The following STAG1 variants were observed in gnomAD, a reference collection of about 807,000 sequenced individuals.
The protein encoded by STAG1 is cohesin subunit SA-1.
In STAG1, 26 loss-of-function variants were observed where a neutral mutation model predicts 170.9. The ratio of observed to expected loss-of-function variants is 0.15; its 90% CI spans 0.11 to 0.21. The LOEUF is 0.21. Among genes scored for constraint, STAG1 ranks in the 10% least tolerant of loss-of-function variants. The pLI is 1.00. For missense variants in STAG1, 964 were observed against 1,509.5 expected (o/e 0.64, Z 5.99); for synonymous variants, 514 against 497.7 (o/e 1.03, Z -0.44).
chr3:136,608,409 T>C (rs1406189112), intron 3 of STAG1, among the ~76,000 whole-genome samples: 1 of 149,140 alleles, frequency 6.7e-6, no homozygotes, highest in Non-Finnish European at 1.5e-5. Context: ...TGTGTGCCTG[T>C]AGTCCCAGCT....
chr3:136,467,217 T>C (rs1306779465), intron 12 of STAG1, among the ~76,000 whole-genome samples: 3 of 151,970 alleles, frequency 2.0e-5, no homozygotes, highest in Non-Finnish European at 4.4e-5. Context: ...GACTGGCAAA[T>C]TGGATAAAGA....
intron 7 of STAG1, among the ~76,000 whole-genome samples, chr3:136,505,923 TAC>T (rs1321906634): frequency 2.0e-5 from 3 of 152,170 alleles, no homozygotes; most frequent in Non-Finnish European, 4.4e-5. Context: ...GGGTACTCAC[TAC>T]AGAGTATAGT....
intron 2 of STAG1, among the ~76,000 whole-genome samples, chr3:136,627,575 A>G (rs1343213837): frequency 1.3e-5 from 2 of 152,204 alleles, no homozygotes; most frequent in Non-Finnish European, 2.9e-5. Context: ...GTTTTGCACT[A>G]TTACAAACAG....
chr3:136,396,520 C>CTTTTTTTTTTTTTTTTTTTT lies in STAG1; in HGVS notation c.2277+2209_2277+2228dup, dbSNP rs146270857. On this transcript the variant is annotated intron_variant, in intron 22 of 33. Coordinates refer to ENST00000383202, the MANE Select transcript of STAG1 (RefSeq NM_005862.3). ...ACAGGCGTGAGCCACCGCGCCTGGC[C>CTTTTTTTTTTTTTTTTTTTT]TTTTTTTTTTTTTTTTTTTTTTTTT... is the stretch of plus-strand genomic sequence containing the variant. Among the ~76,000 whole-genome samples the CTTTTTTTTTTTTTTTTTTTT allele has an allele frequency of 4.6e-5, 2 of 43,658 alleles. 1 individual carries two copies. The allele number at this position is 43,658 out of a possible 152,430, so 28.6% of individuals were successfully genotyped here.
intron 5 of STAG1, among the ~76,000 whole-genome samples, chr3:136,563,880 G>T (rs1559881243): frequency 6.6e-6 from 1 of 152,020 alleles, no homozygotes; most frequent in South Asian, 2.1e-4. Context: ...AACTTTAGCT[G>T]GGCATGGTGG....
intron 4 of STAG1, among the ~76,000 whole-genome samples, chr3:136,592,077 G>A (rs1312306686): frequency 6.6e-6 from 1 of 152,160 alleles, no homozygotes. Context: ...GGAAGTTGGG[G>A]ATGATGATGG....
In STAG1 at chr3:136,675,406, T is replaced by C. The variant is rs139859114; in HGVS notation, c.-83-44425A>G. 3.2e-3 allele frequency among the ~76,000 whole-genome samples: 485 copies of C among 152,248 alleles called. 6 individuals carry two copies. The highest frequency in any genetic ancestry group is 0.011 in the African/African-American group (467 of 41,558). On this transcript the variant is annotated intron_variant, in intron 1 of 33. Coordinates refer to ENST00000383202, the MANE Select transcript of STAG1 (RefSeq NM_005862.3). ...TGATACCACCACGCCAGTGAATCAA[T>C]ACCAGCAACACTGCAACTCTGCTTA... is the stretch of plus-strand genomic sequence containing the variant.
At chr3:136,350,391 G>T (rs1190077778) in intron 28 of STAG1, among the ~76,000 whole-genome samples, 1 of 152,124 alleles carries the variant, frequency 6.6e-6, no homozygotes, top group Non-Finnish European at 1.5e-5. Flanking sequence ...TGTTGTGTAA[G>T]TTCTATTCTG....
At chr3:136,643,810 G>C (rs1940889711) in intron 1 of STAG1, among the ~76,000 whole-genome samples, 2 of 152,104 alleles carry the variant, frequency 1.3e-5, no homozygotes, top group African/African-American at 4.8e-5. Context: ...CGCCAAGCCT[G>C]AATGATATTC....
intron 1 of STAG1, among the ~76,000 whole-genome samples, chr3:136,690,901 A>C (rs1942699160): frequency 6.6e-6 from 1 of 151,308 alleles, no homozygotes; most frequent in Admixed American, 6.6e-5. Flanking sequence ...AATGGGGGAT[A>C]ATCTTTGAGC....
intron 5 of STAG1, among the ~76,000 whole-genome samples, chr3:136,561,241 T>G (rs895128023): frequency 2.0e-5 from 3 of 152,372 alleles, no homozygotes; most frequent in African/African-American, 7.2e-5. Context: ...TTTGTTTTCT[T>G]ATGTCATTTA....
chr3:136,606,653 G>C (rs1022519699), intron 3 of STAG1, among the ~76,000 whole-genome samples: 1 of 151,932 alleles, frequency 6.6e-6, no homozygotes, highest in Non-Finnish European at 1.5e-5. Flanking sequence ...TATTGATCAG[G>C]CATTTTCTAA....
rs1398474224 is a variant in STAG1 at position 136,364,655 on chromosome 3, G to A, written c.2686-1188C>T. 2.0e-5 allele frequency among the ~76,000 whole-genome samples: 3 copies of A among 152,032 alleles called. No homozygotes were observed. The East Asian group carries it at 5.8e-4, about 29-fold the overall frequency. ...AAAAAAGTAAAACACAGACATCTTC[G>A]ACAGTGACTGGGAAAAGTTATAATT... On this transcript the variant is annotated intron_variant, in intron 25 of 33. Transcript: ENST00000383202.
intron 23 of STAG1, among the ~76,000 whole-genome samples, chr3:136,369,554 G>C (rs532904030): frequency 6.6e-6 from 1 of 152,128 alleles, no homozygotes; most frequent in East Asian, 1.9e-4. Context: ...AAGATAGTTT[G>C]ACTTGAACTT....
intron 6 of STAG1, among the ~76,000 whole-genome samples, chr3:136,521,808 A>T (rs1302133793): frequency 6.6e-6 from 1 of 152,232 alleles, no homozygotes; most frequent in Non-Finnish European, 1.5e-5. Flanking sequence ...CCTGTGTCAT[A>T]CCACATCTTT....
chr3:136,346,442 A>C (rs1370355801), intron 29 of STAG1, among the ~76,000 whole-genome samples: 1 of 152,180 alleles, frequency 6.6e-6, no homozygotes, highest in Non-Finnish European at 1.5e-5. Flanking sequence ...TGTGCATGCA[A>C]CCCATCTTAG....
intron 1 of STAG1, among the ~76,000 whole-genome samples, chr3:136,673,779 A>C (rs1942044897): frequency 6.6e-6 from 1 of 152,130 alleles, no homozygotes; most frequent in South Asian, 2.1e-4. Flanking sequence ...CTGAACATCA[A>C]ATACAATAAC....
chr3:136,338,257 G>T lies in STAG1; in HGVS notation c.3774C>A (p.Phe1258Leu). ...ATTTGTAAATTTTCTTCAGACTTCAGAACATAGGCATTCCAAATCCCTAGA... is the reference window on the plus strand; with the variant it reads ...ATTTGTAAATTTTCTTCAGACTTCATAACATAGGCATTCCAAATCCCTAGA... ...EDDSGFGMPM[F>L] Residue 1258 changes from phenylalanine (F) to leucine (L), a missense_variant, in exon 34 of 34, where the codon TTC (phenylalanine) becomes TTA (leucine). Phe to Leu is a conservative substitution (Grantham distance 22). Around this residue, in one of 11 missense-constraint regions of STAG1, gnomAD observed 59 missense variants for 104.2 expected, o/e 0.57. Transcript: ENST00000383202. 1 of 1,603,188 alleles carries T rather than the reference G, an allele frequency of 6.2e-7. No homozygotes were observed. The highest frequency in any genetic ancestry group is 1.1e-5 in the South Asian group (1 of 90,690).
chr3:136,477,476 C>T (rs2089781909), intron 9 of STAG1, 64 bp from the exon 10 acceptor site: 1 of 1,413,702 alleles, frequency 7.1e-7, no homozygotes, highest in Non-Finnish European at 9.4e-7. Context: ...TTCATACTCG[C>T]TTTCCATAAG....
Sources: allele counts gnomAD v4.1 joint callset (sites outside exome capture counted in the v4.1 genomes callset), GRCh38; gene constraint gnomAD v4.1.1; regional missense constraint gnomAD v4.1.1; transcripts MANE v1.5; gene names NCBI Gene and HGNC (gene_info 2026-07-23, HGNC 2026-07-21).